CDC14A: variants seen among roughly 807,000 people sequenced by gnomAD.
CDC14A encodes the protein dual specificity protein phosphatase CDC14A.
A neutral mutation model predicts 74.4 loss-of-function variants in CDC14A; 53 were observed. That is an observed-to-expected ratio of 0.71 (90% CI 0.57 to 0.89). The LOEUF is 0.89. Among genes scored for constraint, CDC14A ranks in the 40% least tolerant of loss-of-function variants. The probability of loss-of-function intolerance (pLI) is 0.00; values close to 1 mark genes in which losing one functional copy is unlikely to be tolerated. For missense variants in CDC14A, 646 were observed against 713.7 expected (o/e 0.91, Z 1.08); for synonymous variants, 247 against 258.4 (o/e 0.96, Z 0.43).
chr1:100,372,410 C>T (rs1654606696), intron 2 of CDC14A, among the ~76,000 whole-genome samples: 1 of 152,360 alleles, frequency 6.6e-6, no homozygotes, highest in Middle Eastern at 3.4e-3. Flanking sequence ...AGTTAATCCT[C>T]TCAAACCCTG....
intron 2 of CDC14A, among the ~76,000 whole-genome samples, chr1:100,377,096 C>T (rs997882714): frequency 7.3e-5 from 11 of 149,892 alleles, no homozygotes; most frequent in African/African-American, 2.2e-4. Flanking sequence ...TGCAGTGGTG[C>T]GATCTCTGGC....
At chr1:100,468,872 A>G (rs1668110870) in intron 10 of CDC14A, among the ~76,000 whole-genome samples, 1 of 151,940 alleles carries the variant, frequency 6.6e-6, no homozygotes, top group Non-Finnish European at 1.5e-5. Flanking sequence ...TTTTACTGAA[A>G]TTTCATTTTT....
At chr1:100,498,881 G>C in intron 14 of CDC14A, 48 bp from the exon 15 acceptor site, 1 of 1,567,546 alleles carries the variant, frequency 6.4e-7, no homozygotes. Context: ...CTGTGTGATT[G>C]TACATTGTTG....
chr1:100,471,352 A>G, intron 10 of CDC14A, among the ~76,000 whole-genome samples: 1 of 152,074 alleles, frequency 6.6e-6, no homozygotes, highest in East Asian at 1.9e-4. Context: ...GTGTTTACAC[A>G]GGAGCACAAT....
intron 11 of CDC14A, among the ~76,000 whole-genome samples, chr1:100,486,821 T>C (rs1670062781): frequency 6.6e-6 from 1 of 152,244 alleles, no homozygotes; most frequent in African/African-American, 2.4e-5. Context: ...CACAGCATCA[T>C]GTATGGGCCC....
chr1:100,420,063 C>CACACACACACATATATATAT, intron 4 of CDC14A, among the ~76,000 whole-genome samples: 18 of 61,594 alleles, frequency 2.9e-4, no homozygotes, highest in South Asian at 8.9e-4. Context: ...CACACACACA[C>CACACACACACATATATATAT]ATATATATAT....
chr1:100,410,979 TC>T, intron 4 of CDC14A, among the ~76,000 whole-genome samples: 1 of 152,294 alleles, frequency 6.6e-6, no homozygotes, highest in Middle Eastern at 3.4e-3. Flanking sequence ...GAGAATAATT[TC>T]TCCTCTGAAG....
At chr1:100,411,707 GAACA>G (rs1660739758) in intron 4 of CDC14A, among the ~76,000 whole-genome samples, 1 of 152,094 alleles carries the variant, frequency 6.6e-6, no homozygotes, top group South Asian at 2.1e-4. Flanking sequence ...TTCTTTCATT[GAACA>G]AACAGTCATT....
At position 100,439,980 on chromosome 1, in the gene CDC14A, T is replaced by A; in HGVS notation, c.438T>A (p.Cys146Ter). Residue 146 changes from cysteine (C) to a stop codon, truncating the protein, a stop_gained, in exon 6 of 16, where the codon TGT becomes TGA. Transcript: ENST00000336454. LOFTEE classifies it high-confidence loss of function. ...CTTACAATCTCACCATTCTCGACTG[T>A]TTGCAGGGAATCAGAAAGGTAATAA... ...NCTYNLTILD[C>*]LQGIRKGLQH... The A allele has an allele frequency of 6.2e-7, 1 of 1,613,044 alleles. No homozygotes were observed.
At chr1:100,405,450 T>C (rs112016464) in intron 4 of CDC14A, among the ~76,000 whole-genome samples, 43,858 of 152,048 alleles carry the variant, frequency 0.29, 8,878 homozygotes, top group African/African-American at 0.58. Context: ...CATAGGTAAA[T>C]GTGTCCCATG....
At chr1:100,486,215 C>T (rs1410940308) in intron 11 of CDC14A, among the ~76,000 whole-genome samples, 1 of 152,148 alleles carries the variant, frequency 6.6e-6, no homozygotes, top group Admixed American at 6.5e-5. Flanking sequence ...ATTTACCTTG[C>T]AGGAACATAG....
chr1:100,494,006 TAC>T (rs1647399513), intron 11 of CDC14A, among the ~76,000 whole-genome samples: 1 of 152,130 alleles, frequency 6.6e-6, no homozygotes, highest in Non-Finnish European at 1.5e-5. Context: ...AAAGGCAAAA[TAC>T]AGTCTTCACT....
intron 11 of CDC14A, chr1:100,485,046 C>T (rs567363819): frequency 1.0e-6 from 1 of 985,318 alleles, no homozygotes; most frequent in East Asian, 1.1e-4. Context: ...TGGTTCAATC[C>T]ATGTCTGTCT....
chr1:100,353,753 G>A lies in CDC14A; in HGVS notation c.50-9G>A. 1 of 1,474,470 alleles carries A rather than the reference G, an allele frequency of 6.8e-7. No homozygotes were observed. Among genetic ancestry groups the A allele is most frequent in the African/African-American group, 1.4e-5 (1 of 72,218 alleles). The allele number at this position is 1,474,470 out of a possible 1,614,324, so 91.3% of individuals were successfully genotyped here. A position where few individuals can be genotyped will look rare whatever the true frequency, so the allele number is the denominator to read the frequency against. Reference sequence around the variant, plus strand: ...TATGTTTTTTCTGTCTTTTAAACTTGTCTTTCAGATCGGTTATATTTTGCT... The same window carrying A: ...TATGTTTTTTCTGTCTTTTAAACTTATCTTTCAGATCGGTTATATTTTGCT... On this transcript the variant is annotated splice_polypyrimidine_tract_variant and intron_variant, in intron 1 of 15. Transcript: ENST00000336454.
intron 8 of CDC14A, chr1:100,462,445 A>G: frequency 1.8e-6 from 1 of 559,936 alleles, no homozygotes; most frequent in Non-Finnish European, 3.2e-6. Flanking sequence ...CAGTACTTAC[A>G]GAAGTTTTCT....
At chr1:100,460,355 A>G (rs1177499945) in intron 8 of CDC14A, among the ~76,000 whole-genome samples, 1 of 152,196 alleles carries the variant, frequency 6.6e-6, no homozygotes, top group Non-Finnish European at 1.5e-5. Flanking sequence ...TCATATATGA[A>G]AAGAGAGATT....
intron 10 of CDC14A, among the ~76,000 whole-genome samples, chr1:100,469,940 A>G (rs1408864381): frequency 3.3e-5 from 5 of 152,240 alleles, no homozygotes; most frequent in Non-Finnish European, 7.3e-5. Flanking sequence ...TTTTAAATTT[A>G]TAGATACTTA....
At chr1:100,475,570 G>C (rs187348098) in intron 10 of CDC14A, among the ~76,000 whole-genome samples, 34 of 152,212 alleles carry the variant, frequency 2.2e-4, no homozygotes, top group African/African-American at 7.7e-4. Flanking sequence ...GGGGGCAGGG[G>C]GTTGCCACAT....
intron 5 of CDC14A, among the ~76,000 whole-genome samples, chr1:100,433,578 A>G (rs1001284092): frequency 6.6e-6 from 1 of 152,186 alleles, no homozygotes; most frequent in African/African-American, 2.4e-5. Flanking sequence ...TCTCTTTTCT[A>G]TCAGCTCTTT....
Sources: allele counts gnomAD v4.1 joint callset (sites outside exome capture counted in the v4.1 genomes callset), GRCh38; gene constraint gnomAD v4.1.1; transcripts MANE v1.5; gene names NCBI Gene and HGNC (gene_info 2026-07-23, HGNC 2026-07-21).